The following B4GALT1 variants were observed in gnomAD, a reference collection of about 807,000 sequenced individuals.
B4GALT1 encodes the protein N-acetyllactosamine synthase.
A neutral mutation model predicts 34.9 loss-of-function variants in B4GALT1; 16 were observed. The ratio of observed to expected loss-of-function variants is 0.46; its 90% CI spans 0.31 to 0.70. B4GALT1 has a LOEUF of 0.70. Ranked by LOEUF, B4GALT1 falls within the 30% of genes least tolerant of loss-of-function variation. The probability of loss-of-function intolerance (pLI) is 0.05; values close to 1 mark genes in which losing one functional copy is unlikely to be tolerated. For synonymous variants in B4GALT1, 221 were observed against 218.1 expected, an observed-to-expected ratio of 1.01 and a Z score of -0.12; for missense variants, 445 against 530.5, an observed-to-expected ratio of 0.84 and a Z score of 1.58.
intron 2 of B4GALT1, among the ~76,000 whole-genome samples, chr9:33,127,780 G>T (rs1318162702): frequency 6.6e-6 from 1 of 152,202 alleles, no homozygotes; most frequent in African/African-American, 2.4e-5. Flanking sequence ...TAAGGAAAAA[G>T]CAGGATACAA....
the B4GALT1 span, among the ~76,000 whole-genome samples, chr9:33,184,253 T>TAC: frequency 0.068 from 10,021 of 147,142 alleles, 388 homozygotes; most frequent in East Asian, 0.21. Flanking sequence ...GTCACTCTTG[T>TAC]ACACACACAC....
Position 33,135,262 on chromosome 9 carries a change from T to G in B4GALT1, c.575A>C (p.Lys192Thr), listed in dbSNP as rs370973345. The change falls in exon 2 of 6, where the codon AAG (lysine) becomes ACG (threonine). Residue 192 changes from lysine (K) to threonine (T), a missense_variant. Physicochemically the swap from Lys to Thr is moderately conservative, Grantham distance 78. Coordinates refer to ENST00000379731, the MANE Select transcript of B4GALT1 (RefSeq NM_001497.4). ...TGGGTGCAAATAATATAGCCAGTAC[T>G]TGAGGTGCTCCTGCCGGTTGCGGAA... is the stretch of plus-strand genomic sequence containing the variant. ...IPFRNRQEHLKYWLYYLHPVL... is the reference protein window; with the variant it reads ...IPFRNRQEHLTYWLYYLHPVL... 4 of 1,614,208 alleles carry G rather than the reference T, an allele frequency of 2.5e-6. No homozygotes were observed. In the East Asian group the frequency reaches 8.9e-5, roughly 36 times the overall value.
chr9:33,159,070 G>A (rs974760828), intron 1 of B4GALT1, among the ~76,000 whole-genome samples: 12 of 151,858 alleles, frequency 7.9e-5, no homozygotes, highest in African/African-American at 2.9e-4. Context: ...ATCCCATAAC[G>A]CAAATACCAG....
chr9:33,110,300 CA>C (rs1243822727), downstream of B4GALT1, among the ~76,000 whole-genome samples: 2 of 152,248 alleles, frequency 1.3e-5, no homozygotes, highest in African/African-American at 4.8e-5. Flanking sequence ...CTGAGATCTA[CA>C]TCTGAATGAT....
chr9:33,137,923 T>C (rs1220506644), intron 1 of B4GALT1, among the ~76,000 whole-genome samples: 1 of 152,058 alleles, frequency 6.6e-6, no homozygotes, highest in African/African-American at 2.4e-5. Context: ...GTGAAAAACA[T>C]GAAGAAAAGA....
chr9:33,140,871 T>C (rs1027189656), intron 1 of B4GALT1, among the ~76,000 whole-genome samples: 4 of 152,264 alleles, frequency 2.6e-5, no homozygotes, highest in Non-Finnish European at 5.9e-5. Context: ...GAAATCACGG[T>C]GCCCCTTGAG....
chr9:33,173,416 C>CAA, the B4GALT1 span, among the ~76,000 whole-genome samples: 5 of 101,234 alleles, frequency 4.9e-5, no homozygotes, highest in South Asian at 3.4e-4. Context: ...AAAAAAAAAG[C>CAA]AAAAAAAAAA....
chr9:33,137,860 A>C (rs766072790), intron 1 of B4GALT1, among the ~76,000 whole-genome samples: 11 of 152,172 alleles, frequency 7.2e-5, no homozygotes, highest in Non-Finnish European at 1.5e-4. Flanking sequence ...GGGCTGCCCA[A>C]CACCCAACCC....
At chr9:33,173,276 T>C in the B4GALT1 span, among the ~76,000 whole-genome samples, 1 of 152,028 alleles carries the variant, frequency 6.6e-6, no homozygotes, top group African/African-American at 2.4e-5. Context: ...TAGTGGCACA[T>C]GCCTGTAATC....
chr9:33,173,462 T>A, the B4GALT1 span, among the ~76,000 whole-genome samples: 88 of 151,676 alleles, frequency 5.8e-4, no homozygotes, highest in African/African-American at 1.6e-3. Flanking sequence ...TACCCAAGTT[T>A]CTGACAGTCA....
In B4GALT1 at chr9:33,119,662, GC is replaced by G. The variant is rs1839992237; in HGVS notation, c.836+756del. Among the ~76,000 whole-genome samples, 4 of 152,198 alleles carry G rather than the reference GC, an allele frequency of 2.6e-5. No homozygotes were observed. In the South Asian group the frequency reaches 6.2e-4, roughly 24 times the overall value. On this transcript the variant is annotated intron_variant, in intron 3 of 5. Coordinates refer to ENST00000379731, the MANE Select transcript of B4GALT1 (RefSeq NM_001497.4). ...GCCCAGGCAGTCAAGGCTGCAGTGA[GC>G]CATGATTGTGTCACTGCACTCCAGC...
chr9:33,184,986 C>T, the B4GALT1 span, among the ~76,000 whole-genome samples: 2 of 152,168 alleles, frequency 1.3e-5, no homozygotes, highest in African/African-American at 4.8e-5. Flanking sequence ...CATGTCTAGC[C>T]AGCTCAGGGT....
At chr9:33,123,246 C>G (rs1474991921) in intron 2 of B4GALT1, among the ~76,000 whole-genome samples, 1 of 137,994 alleles carries the variant, frequency 7.2e-6, no homozygotes, top group Non-Finnish European at 1.5e-5. Context: ...CCACTGCACT[C>G]CAGCCTGGGC....
chr9:33,160,689 C>T (rs549140221), intron 1 of B4GALT1, among the ~76,000 whole-genome samples: 1 of 152,130 alleles, frequency 6.6e-6, no homozygotes, highest in Admixed American at 6.5e-5. Context: ...ATCGCTTAGC[C>T]CGAGAGGTCG....
At chr9:33,105,287 G>C (rs1472862087) in intron 2 of B4GALT1, among the ~76,000 whole-genome samples, 3 of 151,952 alleles carry the variant, frequency 2.0e-5, no homozygotes, top group African/African-American at 7.3e-5. Flanking sequence ...TTACAGGCAT[G>C]CACCACCACG....
chr9:33,146,235 C>T (rs1322540092), intron 1 of B4GALT1, among the ~76,000 whole-genome samples: 1 of 152,218 alleles, frequency 6.6e-6, no homozygotes, highest in Non-Finnish European at 1.5e-5. Flanking sequence ...GCTGGAATTT[C>T]TGGAAAGTGT....
chr9:33,110,015 C>A (rs1354007514), downstream of B4GALT1, among the ~76,000 whole-genome samples: 1 of 152,210 alleles, frequency 6.6e-6, no homozygotes, highest in African/African-American at 2.4e-5. Context: ...TTTGCACAGG[C>A]CTGAGGTCAC....
chr9:33,156,902 T>C (rs758127864), intron 1 of B4GALT1, among the ~76,000 whole-genome samples: 2 of 152,166 alleles, frequency 1.3e-5, no homozygotes, highest in Non-Finnish European at 2.9e-5. Flanking sequence ...AGAATGTTCT[T>C]ACTTTCTGTA....
intron 1 of B4GALT1, among the ~76,000 whole-genome samples, chr9:33,140,312 A>G (rs1840330073): frequency 6.6e-6 from 1 of 152,264 alleles, no homozygotes; most frequent in Non-Finnish European, 1.5e-5. Flanking sequence ...TCACTAGCCC[A>G]GGAATGAAAT....
Sources: allele counts gnomAD v4.1 joint callset (sites outside exome capture counted in the v4.1 genomes callset), GRCh38; gene constraint gnomAD v4.1.1; transcripts MANE v1.5; gene names NCBI Gene and HGNC (gene_info 2026-07-23, HGNC 2026-07-21).